The following NRXN2 variants were observed in gnomAD, a reference collection of about 807,000 sequenced individuals.
NRXN2 encodes the protein neurexin 2, also known as neurexin-2-beta.
A neutral mutation model predicts 128.8 loss-of-function variants in NRXN2; 29 were observed. That is an observed-to-expected ratio of 0.23 (90% CI 0.17 to 0.31). The LOEUF is 0.31. Ranked by LOEUF, NRXN2 falls within the 10% of genes least tolerant of loss-of-function variation. NRXN2 has a pLI of 1.00. For missense variants in NRXN2, 1,881 were observed against 2,452.6 expected (o/e 0.77, Z 4.92); for synonymous variants, 1,098 against 1,075.2 (o/e 1.02, Z -0.41).
intron 2 of NRXN2, among the ~76,000 whole-genome samples, chr11:64,704,615 CACACACACAGAGAG>C: frequency 8.7e-6 from 1 of 114,464 alleles, no homozygotes; most frequent in Non-Finnish European, 1.7e-5. Flanking sequence ...CACACACACA[CACACACACAGAGAG>C]AGAGAGAGAG....
intron 1 of NRXN2, among the ~76,000 whole-genome samples, chr11:64,717,868 C>G (rs2057341473): frequency 6.6e-6 from 1 of 152,198 alleles, no homozygotes; most frequent in African/African-American, 2.4e-5. Context: ...ATTTCTTTTC[C>G]CCTGTGTCTG....
At position 64,713,590 on chromosome 11, in the gene NRXN2, T is replaced by G. The variant is rs1245249342; in HGVS notation, c.110A>C (p.Gln37Pro). ...CGCCCAGCGCGCGTAGCGAGCCCAC[T>G]GCCCGGGGCCGCCGCCGAACTCCAG... ...DGLEFGGGPGQWARYARWAGA... is the reference protein window; with the variant it reads ...DGLEFGGGPGPWARYARWAGA... Residue 37 changes from glutamine (Q) to proline (P), a missense_variant, in exon 2 of 23, where the codon CAG becomes CCG. Physicochemically the swap from Gln to Pro is moderately conservative, Grantham distance 76. Coordinates refer to ENST00000265459, the MANE Select transcript of NRXN2 (RefSeq NM_015080.4). 1.5e-6 allele frequency: 2 copies of G among 1,335,326 alleles called. No homozygotes were observed. The highest frequency in any genetic ancestry group is 9.6e-7 in the Non-Finnish European group (1 of 1,043,908). The allele number at this position is 1,335,326 out of a possible 1,614,324, so 82.7% of individuals were successfully genotyped here.
chr11:64,704,613 CACACACACACAGAG>C (rs1229041303), intron 2 of NRXN2, among the ~76,000 whole-genome samples: 28 of 116,036 alleles, frequency 2.4e-4, no homozygotes, highest in African/African-American at 9.6e-4. Flanking sequence ...CACACACACA[CACACACACACAGAG>C]AGAGAGAGAG....
intron 17 of NRXN2, among the ~76,000 whole-genome samples, chr11:64,644,841 G>T (rs558594752): frequency 6.6e-6 from 1 of 152,130 alleles, no homozygotes; most frequent in South Asian, 2.1e-4. Context: ...GAGAGAGCTG[G>T]CTCCTATTTA....
intron 22 of NRXN2, among the ~76,000 whole-genome samples, chr11:64,615,552 A>G (rs1321748901): frequency 6.6e-6 from 1 of 152,156 alleles, no homozygotes; most frequent in Non-Finnish European, 1.5e-5. Context: ...GCATGGAGTA[A>G]GTGCAGGAGG....
chr11:64,691,358 G>A (rs1418048564), intron 4 of NRXN2, among the ~76,000 whole-genome samples: 1 of 152,132 alleles, frequency 6.6e-6, no homozygotes, highest in Non-Finnish European at 1.5e-5. Flanking sequence ...TACCATGTCT[G>A]GGTTCCAGGC....
intron 9 of NRXN2, among the ~76,000 whole-genome samples, chr11:64,662,668 G>C (rs1352496605): frequency 6.6e-6 from 1 of 151,926 alleles, no homozygotes; most frequent in Non-Finnish European, 1.5e-5. Flanking sequence ...TGTAGTCCCA[G>C]ATACTCAGGA....
At chr11:64,672,754 C>G (rs1169085550) in intron 7 of NRXN2, among the ~76,000 whole-genome samples, 1 of 152,048 alleles carries the variant, frequency 6.6e-6, no homozygotes, top group East Asian at 1.9e-4. Flanking sequence ...TAAGGTACTG[C>G]AAGTCCTGCT....
intron 2 of NRXN2, among the ~76,000 whole-genome samples, chr11:64,704,509 A>G (rs1414808178): frequency 6.6e-6 from 1 of 151,620 alleles, no homozygotes; most frequent in African/African-American, 2.4e-5. Context: ...TTCTCATAGG[A>G]CCTCTCAGGC....
chr11:64,608,870 C>G (rs1195074962), intron 22 of NRXN2, among the ~76,000 whole-genome samples: 19 of 152,016 alleles, frequency 1.2e-4, no homozygotes. Flanking sequence ...GAGGGAGGAA[C>G]AGTGGGCAGG....
intron 22 of NRXN2, among the ~76,000 whole-genome samples, chr11:64,616,140 G>A (rs902839128): frequency 2.6e-5 from 4 of 152,130 alleles, no homozygotes; most frequent in Non-Finnish European, 5.9e-5. Context: ...CACACAGCCT[G>A]CCTCTGAGAA....
In NRXN2 at chr11:64,630,284, C is replaced by A. The variant is rs1253902184; in HGVS notation, c.3757+118G>T. On this transcript the variant is annotated intron_variant, in intron 19 of 22. Transcript: ENST00000265459. This position sits in a 1 kb window ranked among gnomAD's most constrained non-coding sequence, Gnocchi z 4.6. ...CTTCGTCTCTCCAGTAGCCCCGCCC[C>A]AGAGCCGCTTAGCCCCGCCCCAGAG... is the stretch of plus-strand genomic sequence containing the variant. 1.0e-6 allele frequency: 1 copy of A among 964,116 alleles called. No individual in the cohort carries two copies. Among genetic ancestry groups the A allele is most frequent in the East Asian group, 2.8e-5 (1 of 35,986 alleles). 59.7% of individuals were successfully genotyped at this position (964,116 alleles called of 1,614,324 possible). A position where few individuals can be genotyped will look rare whatever the true frequency, so the allele number is the denominator to read the frequency against.
intron 2 of NRXN2, among the ~76,000 whole-genome samples, chr11:64,702,306 A>T (rs1309372463): frequency 1.3e-5 from 2 of 152,210 alleles, no homozygotes; most frequent in Non-Finnish European, 1.5e-5. Flanking sequence ...GGTGTACCCA[A>T]CAGCTCATTG....
At chr11:64,703,200 C>T (rs569870465) in intron 2 of NRXN2, among the ~76,000 whole-genome samples, 2 of 152,246 alleles carry the variant, frequency 1.3e-5, no homozygotes, top group African/African-American at 2.4e-5. Context: ...GACAATGCCT[C>T]ATTCATCTCT....
chr11:64,667,829 G>A lies in NRXN2; in HGVS notation c.1360-141C>T. The A allele has an allele frequency of 1.3e-6, 1 of 763,560 alleles. No homozygotes were observed. Among genetic ancestry groups the A allele is most frequent in the Non-Finnish European group, 2.3e-6 (1 of 443,320 alleles). The allele number at this position is 763,560 out of a possible 1,614,324, so 47.3% of individuals were successfully genotyped here. A position where few individuals can be genotyped will look rare whatever the true frequency, so the allele number is the denominator to read the frequency against. On this transcript the variant is annotated intron_variant, in intron 8 of 22. Transcript: ENST00000265459. This position sits in a 1 kb window ranked among gnomAD's most constrained non-coding sequence, Gnocchi z 5.6. Reference sequence around the variant, plus strand: ...CAGTTCCACCAGACCACCCGCTTAGGCCTCTGTTCTACAGCTTCAGACACA... The same window carrying A: ...CAGTTCCACCAGACCACCCGCTTAGACCTCTGTTCTACAGCTTCAGACACA...
chr11:64,683,783 C>CAGGGGAAG (rs2052638096), intron 6 of NRXN2, among the ~76,000 whole-genome samples: 1 of 152,134 alleles, frequency 6.6e-6, no homozygotes, highest in African/African-American at 2.4e-5. Context: ...TAGAACAATC[C>CAGGGGAAG]AGGGGAAGAA....
At chr11:64,613,124 A>G (rs1229521155) in intron 22 of NRXN2, among the ~76,000 whole-genome samples, 1 of 152,244 alleles carries the variant, frequency 6.6e-6, no homozygotes, top group African/African-American at 2.4e-5. Flanking sequence ...GTAAGAAAAA[A>G]ACGGTACATT....
Position 64,695,319 on chromosome 11 carries a change from G to A in NRXN2, c.749-2443C>T, listed in dbSNP as rs1448208023. Among the ~76,000 whole-genome samples the A allele has an allele frequency of 2.0e-5, 3 of 152,064 alleles. No homozygotes were observed. In the East Asian group the frequency reaches 5.8e-4, roughly 29 times the overall value. ...AGGGCACTTTATCTGGCTACTTCTG[G>A]GTCTCTTTGCCCTGCCACTAGAGGC... is the stretch of plus-strand genomic sequence containing the variant. On this transcript the variant is annotated intron_variant, in intron 3 of 22. Coordinates refer to ENST00000265459, the MANE Select transcript of NRXN2 (RefSeq NM_015080.4).
chr11:64,676,441 C>T (rs756271236), intron 7 of NRXN2: 10 of 164,746 alleles, frequency 6.1e-5, no homozygotes, highest in Non-Finnish European at 1.2e-4. Context: ...TGGGAACCCA[C>T]CCCACTGGCT....
Sources: allele counts gnomAD v4.1 joint callset (sites outside exome capture counted in the v4.1 genomes callset), GRCh38; gene constraint gnomAD v4.1.1; non-coding constraint Gnocchi (gnomAD v3.1); transcripts MANE v1.5; gene names NCBI Gene and HGNC (gene_info 2026-07-23, HGNC 2026-07-21).